The following ZNF397 variants were observed in gnomAD, a reference collection of about 807,000 sequenced individuals.
ZNF397 encodes zinc finger and SCAN domain-containing protein 15.
A neutral mutation model predicts 50.6 loss-of-function variants in ZNF397; 38 were observed. The observed-to-expected ratio is 0.75, with a 90% CI of 0.58 to 0.98. The LOEUF is 0.98. Ranked by LOEUF, ZNF397 falls within the 50% of genes least tolerant of loss-of-function variation. The pLI is 0.00. For synonymous variants in ZNF397, 228 were observed against 215.2 expected, an observed-to-expected ratio of 1.06 and a Z score of -0.52; for missense variants, 624 against 624.1, an observed-to-expected ratio of 1.00 and a Z score of 0.00.
At position 35,245,939 on chromosome 18, in the gene ZNF397, C is replaced by T. The variant is rs2043472138; in HGVS notation, c.1234C>T (p.Leu412Phe). ...GAAAACCTTTAGCCAGAGCTCAAAA[C>T]TCATTAGACATCAGCGAATTCACAC... Reference protein sequence around the residue: ...CGKTFSQSSKLIRHQRIHTGE... With the variant: ...CGKTFSQSSKFIRHQRIHTGE... The change falls in exon 4 of 4, where the codon CTC (leucine) becomes TTC (phenylalanine). Residue 412 changes from leucine to phenylalanine, a missense_variant. By Grantham distance (22) the Leu-to-Phe change is conservative. Coordinates refer to ENST00000330501, the MANE Select transcript of ZNF397 (RefSeq NM_001135178.3). The T allele has an allele frequency of 6.3e-7, 1 of 1,579,338 alleles. No homozygotes were observed. The highest frequency in any genetic ancestry group is 8.6e-7 in the Non-Finnish European group (1 of 1,162,372).
rs1198233214 is a variant in ZNF397, at chr18:35,245,295, G to A, written c.590G>A (p.Gly197Asp). ...AACAGTGAAACAGCAACAAAAGAGG[G>A]CATCTCAGAAGAAAAATCACAGGGA... is the stretch of plus-strand genomic sequence containing the variant. ...CENSETATKE[G>D]ISEEKSQGLP... The change falls in exon 4 of 4, where the codon GGC becomes GAC. Residue 197 changes from glycine to aspartate, a missense_variant. Gly to Asp is a moderately conservative substitution (Grantham distance 94, BLOSUM62 -1). Transcript: ENST00000330501. 6.2e-7 allele frequency: 1 copy of A among 1,609,810 alleles called. No individual in the cohort carries two copies. Among genetic ancestry groups the A allele is most frequent in the Admixed American group, 1.7e-5 (1 of 59,666 alleles).
intron 3 of ZNF397, chr18:35,243,617 T>C (rs933158675): frequency 1.7e-6 from 1 of 578,086 alleles, no homozygotes; most frequent in African/African-American, 1.9e-5. Context: ...AGTTGCAATG[T>C]AGTAAATTAT....
intron 3 of ZNF397, 107 bp downstream of exon 3, chr18:35,243,400 T>C: frequency 1.3e-6 from 2 of 1,542,712 alleles, no homozygotes; most frequent in Non-Finnish European, 1.8e-6. Context: ...GCATCACCTT[T>C]ATTATTCTAA....
rs1050427335 is a variant in ZNF397, at chr18:35,249,753, C to G, written c.*3443C>G. ...TAAAAATATTACAAAACAATATGTACAGTATGATCCTATGTAAAATATATA... is the reference window on the plus strand; with the variant it reads ...TAAAAATATTACAAAACAATATGTAGAGTATGATCCTATGTAAAATATATA... On this transcript the variant is annotated 3_prime_UTR_variant, in exon 4 of 4. Transcript: ENST00000330501. 4.1e-5 allele frequency: 6 copies of G among 147,798 alleles called. No homozygotes were observed. Among genetic ancestry groups the G allele is most frequent in the African/African-American group, 1.5e-4 (6 of 40,000 alleles). 9.2% of individuals were successfully genotyped at this position (147,798 alleles called of 1,614,324 possible).
rs752548755 is a variant in ZNF397 at position 35,247,088 on chromosome 18, A to T, written c.*778A>T. The T allele has an allele frequency of 1.4e-4, 139 of 985,318 alleles. No individual in the cohort carries two copies. The highest frequency in any genetic ancestry group is 1.6e-4 in the Non-Finnish European group (134 of 829,978). The allele number at this position is 985,318 out of a possible 1,614,324, so 61.0% of individuals were successfully genotyped here. The stretch of plus-strand genomic sequence containing the variant: ...CTAGGGAAGTGGTACCCCAGTAAAG[A>T]ACAGTAGCCAAAGGCCAGAAACAAA... On this transcript the variant is annotated 3_prime_UTR_variant, in exon 4 of 4. Transcript: ENST00000330501.
chr18:35,243,127 G>A, intron 2 of ZNF397, 25 bp from the exon 3 acceptor site: 5 of 1,613,282 alleles, frequency 3.1e-6, no homozygotes, highest in Non-Finnish European at 4.2e-6. Flanking sequence ...TTCTCACAAA[G>A]CTAACCATAT....
downstream of ZNF397, chr18:35,254,010 C>T (rs780414707): frequency 1.2e-6 from 2 of 1,614,184 alleles, no homozygotes; most frequent in East Asian, 2.2e-5. Context: ...TGGCAAAAGG[C>T]CTTCCCACAG....
chr18:35,253,745 C>G, downstream of ZNF397: 1 of 1,614,174 alleles, frequency 6.2e-7, no homozygotes, highest in Non-Finnish European at 8.5e-7. Flanking sequence ...AAGGGCTGAG[C>G]TCCGGCTGAA....
At chr18:35,250,818 C>T (rs1263046433), downstream of ZNF397, among the ~76,000 whole-genome samples, 2 of 152,188 alleles carry the variant, frequency 1.3e-5, no homozygotes, top group Non-Finnish European at 2.9e-5. Context: ...TTAAGAGGCT[C>T]CTTCTTGCTC....
downstream of ZNF397, chr18:35,254,247 C>T (rs781072208): frequency 1.9e-6 from 3 of 1,614,124 alleles, no homozygotes; most frequent in South Asian, 3.3e-5. Flanking sequence ...TCCAGACCTC[C>T]CAAAGCTTCT....
intron 5 of ZNF397, chr18:35,257,822 G>T: frequency 1.3e-6 from 1 of 773,756 alleles, no homozygotes. Flanking sequence ...TGCTTCAGCG[G>T]CCCATGAAAT....
At position 35,246,007 on chromosome 18, in the gene ZNF397, C is replaced by T. The variant is rs903792728; in HGVS notation, c.1302C>T (p.Phe434=). ...PYECNECGKA[F]RQSSELITHQ... is the part of the protein sequence containing the mutation. ...AATGTAATGAATGTGGAAAAGCTTT[C>T]AGGCAGAGCTCAGAGCTGATTACTC... The change falls in exon 4 of 4, where the codon TTC becomes TTT. Residue 434 remains phenylalanine (F), a synonymous_variant. Coordinates refer to ENST00000330501, the MANE Select transcript of ZNF397 (RefSeq NM_001135178.3). 5 of 1,575,194 alleles carry T rather than the reference C, an allele frequency of 3.2e-6. No homozygotes were observed. In the African/African-American group the frequency reaches 4.1e-5, roughly 13 times the overall value.
chr18:35,245,112 AGAG>A, intron 3 of ZNF397, 147 bp from the exon 4 acceptor site: 2 of 976,630 alleles, frequency 2.0e-6, no homozygotes, highest in South Asian at 2.0e-5. Context: ...TTATTAGATA[AGAG>A]AGACCCTCTT....
downstream of ZNF397, chr18:35,252,561 A>T (rs1457038335): frequency 1.3e-5 from 2 of 152,142 alleles, no homozygotes; most frequent in Non-Finnish European, 2.9e-5. Flanking sequence ...GTCTTCATGG[A>T]GTGTCTCCAG....
downstream of ZNF397, chr18:35,253,105 T>C (rs2043653812): frequency 5.3e-6 from 1 of 190,246 alleles, no homozygotes; most frequent in African/African-American, 2.3e-5. Flanking sequence ...TCTTTCAGGA[T>C]CTCTGCCCCA....
chr18:35,243,722 T>A (rs1912711035), intron 3 of ZNF397: 1 of 309,696 alleles, frequency 3.2e-6, no homozygotes, highest in South Asian at 4.8e-5. Flanking sequence ...AGGAAGAAAA[T>A]CTAAGCTAAG....
chr18:35,241,805 G>A (rs571621729), intron 1 of ZNF397: 1 of 152,034 alleles, frequency 6.6e-6, no homozygotes, highest in East Asian at 1.9e-4. Flanking sequence ...GAAGTAATTC[G>A]GTAAACACCA....
chr18:35,247,666 A>ATTTTTTTTTTTGTTTTTTTT lies in ZNF397; in HGVS notation c.*1367_*1368insGTTTTTTTTTTTTTTTTTTT, dbSNP rs2043504499. On this transcript the variant is annotated 3_prime_UTR_variant, in exon 4 of 4. Transcript: ENST00000330501. ...CCAGTATTTCACAATATCTTTTGCA[A>ATTTTTTTTTTTGTTTTTTTT]TTTTTTTTTTTTTTTTTTTTTTTTT... The ATTTTTTTTTTTGTTTTTTTT allele has an allele frequency of 1.4e-5, 1 of 71,946 alleles. No individual in the cohort carries two copies. 4.5% of individuals were successfully genotyped at this position (71,946 alleles called of 1,614,324 possible).
rs758751728 is a variant in ZNF397 at position 35,243,188 on chromosome 18, A to G, written c.451A>G (p.Lys151Glu). The G allele has an allele frequency of 1.5e-5, 25 of 1,614,062 alleles. No homozygotes were observed. Among genetic ancestry groups the G allele is most frequent in the Non-Finnish European group, 1.9e-5 (23 of 1,180,036 alleles). ...ASPQGPAVPW[K>E]DLTCLRASQE... Reference sequence around the variant, plus strand: ...TCCACAGGGACCAGCAGTGCCATGGAAGGATTTAACATGTCTCAGAGCATC... The same window carrying G: ...TCCACAGGGACCAGCAGTGCCATGGGAGGATTTAACATGTCTCAGAGCATC... The change falls in exon 3 of 4, where the codon AAG becomes GAG. Residue 151 changes from lysine to glutamate, a missense_variant. Physicochemically the swap from Lys to Glu is moderately conservative, Grantham distance 56. Transcript: ENST00000330501.
Sources: allele counts gnomAD v4.1 joint callset (sites outside exome capture counted in the v4.1 genomes callset), GRCh38; gene constraint gnomAD v4.1.1; transcripts MANE v1.5; gene names NCBI Gene and HGNC (gene_info 2026-07-23, HGNC 2026-07-21).